ZNF804B: variants seen among roughly 807,000 people sequenced by gnomAD.
The protein encoded by ZNF804B is zinc finger protein 804B, also known as zinc finger 804B.
In ZNF804B, 80 loss-of-function variants were observed where a neutral mutation model predicts 101.4. The observed-to-expected ratio is 0.79, with a 90% CI of 0.66 to 0.95. The LOEUF (loss-of-function observed/expected upper bound fraction) is 0.95. Among genes scored for constraint, ZNF804B ranks in the 40% least tolerant of loss-of-function variants. ZNF804B has a pLI of 0.00. For missense variants in ZNF804B, 1,673 were observed against 1,561.9 expected (o/e 1.07, Z -1.20); for synonymous variants, 622 against 558.8 (o/e 1.11, Z -1.59).
intron 1 of ZNF804B, among the ~76,000 whole-genome samples, chr7:88,975,289 A>C (rs1793601037): frequency 6.6e-6 from 1 of 151,438 alleles, no homozygotes; most frequent in Non-Finnish European, 1.5e-5. Context: ...TTTTGGGTAT[A>C]TTCCTAGCTG....
At chr7:89,138,821 C>A (rs1790674592) in intron 1 of ZNF804B, among the ~76,000 whole-genome samples, 1 of 151,942 alleles carries the variant, frequency 6.6e-6, no homozygotes, top group Non-Finnish European at 1.5e-5. Flanking sequence ...TCTTTTTTTG[C>A]CTGCTGCCAT....
At chr7:89,059,874 G>T (rs576578000) in intron 1 of ZNF804B, among the ~76,000 whole-genome samples, 9 of 142,446 alleles carry the variant, frequency 6.3e-5, no homozygotes, top group Admixed American at 2.2e-4. Context: ...GGGACATGCT[G>T]TCAGTGTTGG....
intron 1 of ZNF804B, among the ~76,000 whole-genome samples, chr7:89,075,649 G>C (rs1452653800): frequency 6.6e-6 from 1 of 152,174 alleles, no homozygotes; most frequent in Non-Finnish European, 1.5e-5. Context: ...CCCTCACACA[G>C]AGTCCCTACT....
At chr7:88,859,968 C>A in intron 1 of ZNF804B, among the ~76,000 whole-genome samples, 1 of 151,482 alleles carries the variant, frequency 6.6e-6, no homozygotes, top group African/African-American at 2.4e-5. Flanking sequence ...TGAGAAAAAT[C>A]AATATTTTAT....
rs147713632 is a variant in ZNF804B, at chr7:89,113,819, C to T, written c.109-104336C>T. Among the ~76,000 whole-genome samples, 677 of 151,890 alleles carry T rather than the reference C, an allele frequency of 4.5e-3. 3 individuals are homozygous for T. The highest frequency in any genetic ancestry group is 0.011 in the African/African-American group (469 of 41,424). ...TACAAAAATTAGCCGGACATGGTGG[C>T]ATGCCTGTAATCCTAGCTATTCAGG... On this transcript the variant is annotated intron_variant, in intron 1 of 3. Coordinates refer to ENST00000333190, the MANE Select transcript of ZNF804B (RefSeq NM_181646.5).
chr7:89,102,681 A>C (rs1432508203), intron 1 of ZNF804B, among the ~76,000 whole-genome samples: 1 of 151,742 alleles, frequency 6.6e-6, no homozygotes, highest in Non-Finnish European at 1.5e-5. Flanking sequence ...GAAGCTTTTT[A>C]GTTTAAATTT....
chr7:89,274,276 C>A (rs1789943470), intron 2 of ZNF804B, among the ~76,000 whole-genome samples: 1 of 143,834 alleles, frequency 7.0e-6, no homozygotes, highest in Non-Finnish European at 1.5e-5. Flanking sequence ...CGTCATCTAG[C>A]ATTAGGTATA....
chr7:89,176,091 A>G (rs1791314167), intron 1 of ZNF804B, among the ~76,000 whole-genome samples: 1 of 151,944 alleles, frequency 6.6e-6, no homozygotes, highest in Non-Finnish European at 1.5e-5. Flanking sequence ...TTCCAGTATG[A>G]TGTTGAATAA....
chr7:89,118,658 T>G (rs935059048), intron 1 of ZNF804B, among the ~76,000 whole-genome samples: 12 of 152,190 alleles, frequency 7.9e-5, no homozygotes, highest in African/African-American at 2.9e-4. Flanking sequence ...GACCTTACCT[T>G]GAAAATTCCA....
chr7:89,336,333 C>A lies in ZNF804B; in HGVS notation c.3351C>A (p.Tyr1117Ter), dbSNP rs778131058. ...INHVEGNINS[Y>*]YDRTMQKPDK... Reference sequence around the variant, plus strand: ...ATGTAGAGGGAAATATAAACTCTTACTATGACAGAACTATGCAGAAACCTG... The same window carrying A: ...ATGTAGAGGGAAATATAAACTCTTAATATGACAGAACTATGCAGAAACCTG... Residue 1117 changes from tyrosine to a stop codon, truncating the protein, a stop_gained, in exon 4 of 4, where the codon TAC (tyrosine) becomes TAA (stop). Transcript: ENST00000333190. LOFTEE classifies it high-confidence loss of function. 1 of 1,613,948 alleles carries A rather than the reference C, an allele frequency of 6.2e-7. No homozygotes were observed. The highest frequency in any genetic ancestry group is 1.1e-5 in the South Asian group (1 of 91,080).
intron 1 of ZNF804B, among the ~76,000 whole-genome samples, chr7:89,003,877 T>G (rs903298920): frequency 1.3e-5 from 2 of 151,940 alleles, no homozygotes; most frequent in Non-Finnish European, 2.9e-5. Context: ...TTATGTCAAT[T>G]ATGTTTAAAA....
At chr7:89,081,295 C>T (rs1263457122) in intron 1 of ZNF804B, among the ~76,000 whole-genome samples, 1 of 151,882 alleles carries the variant, frequency 6.6e-6, no homozygotes, top group Non-Finnish European at 1.5e-5. Flanking sequence ...AGGGTAAGTA[C>T]TGAACAGGGT....
At chr7:88,893,995 C>T (rs1403842438) in intron 1 of ZNF804B, among the ~76,000 whole-genome samples, 1 of 151,766 alleles carries the variant, frequency 6.6e-6, no homozygotes, top group East Asian at 1.9e-4. Flanking sequence ...ATAATACCAC[C>T]CAGTCTATTC....
At chr7:89,141,599 A>G (rs1438101982) in intron 1 of ZNF804B, among the ~76,000 whole-genome samples, 6 of 152,006 alleles carry the variant, frequency 3.9e-5, no homozygotes, top group Non-Finnish European at 7.4e-5. Flanking sequence ...GCTGGATTAC[A>G]TGGTAATTCT....
At chr7:89,232,782 T>C (rs1445632705) in intron 2 of ZNF804B, among the ~76,000 whole-genome samples, 1 of 152,164 alleles carries the variant, frequency 6.6e-6, no homozygotes, top group African/African-American at 2.4e-5. Context: ...TAGCTAAAGG[T>C]TTATGAACAT....
intron 2 of ZNF804B, among the ~76,000 whole-genome samples, chr7:89,244,682 C>G (rs1789417021): frequency 6.6e-6 from 1 of 151,980 alleles, no homozygotes; most frequent in African/African-American, 2.4e-5. Flanking sequence ...GGGGAATGCC[C>G]AAGCTATAGA....
intron 1 of ZNF804B, among the ~76,000 whole-genome samples, chr7:88,860,252 A>G (rs925744021): frequency 3.9e-5 from 6 of 152,070 alleles, no homozygotes; most frequent in African/African-American, 7.2e-5. Context: ...TTGAAGAAAT[A>G]AAAAATGGGT....
intron 1 of ZNF804B, among the ~76,000 whole-genome samples, chr7:88,823,431 C>T (rs1266707070): frequency 4.6e-5 from 7 of 152,112 alleles, no homozygotes; most frequent in African/African-American, 1.4e-4. Flanking sequence ...ATGTATTATA[C>T]TGACAAAGGT....
chr7:89,289,164 A>T (rs1008069113), intron 2 of ZNF804B, among the ~76,000 whole-genome samples: 1 of 152,192 alleles, frequency 6.6e-6, no homozygotes, highest in African/African-American at 2.4e-5. Context: ...TAAGAAATGA[A>T]GAATGAAGAA....
Sources: allele counts gnomAD v4.1 joint callset (sites outside exome capture counted in the v4.1 genomes callset), GRCh38; gene constraint gnomAD v4.1.1; transcripts MANE v1.5; gene names NCBI Gene and HGNC (gene_info 2026-07-23, HGNC 2026-07-21).